PWWP2B: variants seen among roughly 807,000 people sequenced by gnomAD.
PWWP2B encodes PWWP domain containing 2B, also known as PWWP domain-containing protein 2B.
In PWWP2B, 9 loss-of-function variants were observed where a neutral mutation model predicts 15.5. That is an observed-to-expected ratio of 0.58 (90% CI 0.35 to 1.02). The LOEUF (loss-of-function observed/expected upper bound fraction) is 1.02, where lower values mean the gene tolerates loss of function less well. Ranked by LOEUF, PWWP2B falls within the 50% of genes least tolerant of loss-of-function variation. The pLI is 0.02. For synonymous variants in PWWP2B, 474 were observed against 403.6 expected (o/e 1.17, Z -2.09); for missense variants, 864 against 865.3 (o/e 1.00, Z 0.02).
chr10:132,415,296 CCACTCA>C (rs1266468129), intron 2 of PWWP2B, among the ~76,000 whole-genome samples: 6 of 142,058 alleles, frequency 4.2e-5, no homozygotes, highest in African/African-American at 1.3e-4. Context: ...ACACACATAT[CCACTCA>C]CACTCACACA....
chr10:132,403,117 A>T (rs1486218190), intron 1 of PWWP2B, among the ~76,000 whole-genome samples: 1 of 152,154 alleles, frequency 6.6e-6, no homozygotes, highest in Non-Finnish European at 1.5e-5. Flanking sequence ...CACTCCAGAG[A>T]TGCTCCTGCC....
chr10:132,401,120 C>T (rs938674742), intron 1 of PWWP2B, among the ~76,000 whole-genome samples: 1 of 152,228 alleles, frequency 6.6e-6, no homozygotes, highest in African/African-American at 2.4e-5. Context: ...AGTTAAGGCT[C>T]GGCCACTTGT....
At position 132,404,786 on chromosome 10, in the gene PWWP2B, A is replaced by ACCCCCCCCCCCCCGCCCCCCCCCC; in HGVS notation, c.288_289insCCCCCCCCCCCGCCCCCCCCCCCC (p.Thr96_Thr97insProProProProProProProPro). 1 of 1,460,278 alleles carries ACCCCCCCCCCCCCGCCCCCCCCCC rather than the reference A, an allele frequency of 6.8e-7. No homozygotes were observed. The highest frequency in any genetic ancestry group is 9.3e-7 in the Non-Finnish European group (1 of 1,076,458). The allele number at this position is 1,460,278 out of a possible 1,614,324, so 90.5% of individuals were successfully genotyped here. The stretch of plus-strand genomic sequence containing the variant: ...TGCCCGCGGGGTTCAGCCCCCCGAG[A>ACCCCCCCCCCCCCGCCCCCCCCCC]CCACCCGCCCCGAGCCACCCCCGCC... On this transcript the variant is annotated inframe_insertion, in exon 2 of 3. Transcript: ENST00000305233.
chr10:132,410,976 C>A (rs1391763165), intron 2 of PWWP2B, among the ~76,000 whole-genome samples: 3 of 152,220 alleles, frequency 2.0e-5, no homozygotes, highest in Non-Finnish European at 4.4e-5. Context: ...CCTCCGTCAG[C>A]AGTTGGGAGC....
chr10:132,405,677 A>G lies in PWWP2B; in HGVS notation c.1177A>G (p.Ser393Gly). The G allele has an allele frequency of 6.2e-7, 1 of 1,612,378 alleles. No individual in the cohort carries two copies. The highest frequency in any genetic ancestry group is 8.5e-7 in the Non-Finnish European group (1 of 1,179,888). Residue 393 changes from serine to glycine, a missense_variant, in exon 2 of 3, where the codon AGC becomes GGC. Transcript: ENST00000305233. Reference sequence around the variant, plus strand: ...TTCGGGTGAGGACGATGACTTCAAGAGCTGTCCCCAGGGTCCACAGGGACG... The same window carrying G: ...TTCGGGTGAGGACGATGACTTCAAGGGCTGTCCCCAGGGTCCACAGGGACG... ...GSSGEDDDFK[S>G]CPQGPQGREG...
intron 2 of PWWP2B, among the ~76,000 whole-genome samples, chr10:132,409,366 G>A (rs888295561): frequency 7.2e-5 from 11 of 152,200 alleles, no homozygotes; most frequent in Non-Finnish European, 1.3e-4. Context: ...TACTGTGCCT[G>A]GGAGCAGCCT....
In PWWP2B at chr10:132,404,800, G is replaced by GCCCCCC; in HGVS notation, c.302_303insCCCCCC (p.Pro103_Pro104dup). 7.4e-7 allele frequency: 1 copy of GCCCCCC among 1,356,864 alleles called. No homozygotes were observed. Among genetic ancestry groups the GCCCCCC allele is most frequent in the Non-Finnish European group, 1.0e-6 (1 of 995,794 alleles). 84.1% of individuals were successfully genotyped at this position (1,356,864 alleles called of 1,614,324 possible). On this transcript the variant is annotated inframe_insertion, in exon 2 of 3. Coordinates refer to ENST00000305233, the MANE Select transcript of PWWP2B (RefSeq NM_138499.4). ...AGCCCCCCGAGACCACCCGCCCCGA[G>GCCCCCC]CCACCCCCGCCCCTCGTGCCGCCGC... is the stretch of plus-strand genomic sequence containing the variant.
intron 2 of PWWP2B, among the ~76,000 whole-genome samples, chr10:132,406,742 C>T (rs1295541420): frequency 2.6e-5 from 4 of 152,164 alleles, no homozygotes; most frequent in African/African-American, 7.2e-5. Flanking sequence ...TCCTCCTGCA[C>T]GCGGATAGGC....
chr10:132,400,063 C>T (rs955956859), intron 1 of PWWP2B, among the ~76,000 whole-genome samples: 4 of 152,222 alleles, frequency 2.6e-5, no homozygotes, highest in Admixed American at 6.5e-5. Flanking sequence ...CAGAAGGGCA[C>T]CCTGAGCTCT....
intron 1 of PWWP2B, among the ~76,000 whole-genome samples, chr10:132,403,870 G>C (rs1243662689): frequency 6.6e-6 from 1 of 152,244 alleles, no homozygotes; most frequent in Non-Finnish European, 1.5e-5. Flanking sequence ...CAGGTGGGCA[G>C]ATGGGGATGA....
intron 1 of PWWP2B, among the ~76,000 whole-genome samples, chr10:132,398,698 C>T (rs902434664): frequency 6.6e-6 from 1 of 152,238 alleles, no homozygotes; most frequent in African/African-American, 2.4e-5. Flanking sequence ...CACCGCCTCC[C>T]CTTCATGGAA....
At chr10:132,409,635 A>G (rs942630580) in intron 2 of PWWP2B, among the ~76,000 whole-genome samples, 2 of 24,014 alleles carry the variant, frequency 8.3e-5, no homozygotes, top group African/African-American at 1.5e-4. Flanking sequence ...CTCACCACCC[A>G]CCCACCCACC....
rs760057823 is a variant in PWWP2B at position 132,404,823 on chromosome 10, C to T, written c.323C>T (p.Pro108Leu). The T allele has an allele frequency of 9.6e-6, 15 of 1,561,262 alleles. No individual in the cohort carries two copies. Among genetic ancestry groups the T allele is most frequent in the Admixed American group, 7.0e-5 (4 of 56,800 alleles). The change falls in exon 2 of 3, where the codon CCG (proline) becomes CTG (leucine). Residue 108 changes from proline to leucine, a missense_variant. By Grantham distance (98) the Pro-to-Leu change is moderately conservative. This residue lies in a region of PWWP2B where 736 missense variants were observed against 687.7 expected (regional missense o/e 1.07). Coordinates refer to ENST00000305233, the MANE Select transcript of PWWP2B (RefSeq NM_138499.4). ...GAGCCACCCCCGCCCCTCGTGCCGC[C>T]GCTGCCCGCCGGAAGCCTGCCCCCG... is the stretch of plus-strand genomic sequence containing the variant. ...RPEPPPPLVP[P>L]LPAGSLPPYP...
chr10:132,415,960 CCACCCTCA>C (rs2069848601), intron 2 of PWWP2B, among the ~76,000 whole-genome samples: 1 of 152,244 alleles, frequency 6.6e-6, no homozygotes. Context: ...ACACACACAT[CCACCCTCA>C]CACTCTCACA....
chr10:132,407,925 C>T (rs572050467), intron 2 of PWWP2B, among the ~76,000 whole-genome samples: 10 of 152,204 alleles, frequency 6.6e-5, no homozygotes, highest in African/African-American at 2.2e-4. Flanking sequence ...CAGGCATTTG[C>T]GAGGCATGAC....
chr10:132,417,264 A>C lies in PWWP2B; in HGVS notation c.*220A>C. The C allele has an allele frequency of 1.5e-6, 1 of 648,456 alleles. No homozygotes were observed. Among genetic ancestry groups the C allele is most frequent in the Non-Finnish European group, 2.7e-6 (1 of 365,596 alleles). The allele number at this position is 648,456 out of a possible 1,614,324, so 40.2% of individuals were successfully genotyped here. A position where few individuals can be genotyped will look rare whatever the true frequency, so the allele number is the denominator to read the frequency against. On this transcript the variant is annotated 3_prime_UTR_variant, in exon 3 of 3. Coordinates refer to ENST00000305233, the MANE Select transcript of PWWP2B (RefSeq NM_138499.4). ...CCTCCCGCTGAGTGTATTTCTTCCCACCACTCAGCGCATGGCTGCCCTGGC... is the reference window on the plus strand; with the variant it reads ...CCTCCCGCTGAGTGTATTTCTTCCCCCCACTCAGCGCATGGCTGCCCTGGC...
chr10:132,416,228 G>A (rs968991966), intron 2 of PWWP2B, among the ~76,000 whole-genome samples: 51 of 152,182 alleles, frequency 3.4e-4, no homozygotes, highest in Non-Finnish European at 3.5e-4. Context: ...CCCATGGGGC[G>A]CCTTTGTCCT....
chr10:132,416,966 C>A, intron 2 of PWWP2B, 95 bp from the exon 3 acceptor site: 1 of 1,417,106 alleles, frequency 7.1e-7, no homozygotes, highest in Non-Finnish European at 9.9e-7. Flanking sequence ...CTCAGGCCCT[C>A]CGGGGCACCC....
Position 132,417,436 on chromosome 10 carries a change from C to T in PWWP2B, c.*392C>T, listed in dbSNP as rs1317113653. 1 of 323,758 alleles carries T rather than the reference C, an allele frequency of 3.1e-6. No individual in the cohort carries two copies. Among genetic ancestry groups the T allele is most frequent in the Non-Finnish European group, 5.7e-6 (1 of 174,218 alleles). 20.1% of individuals were successfully genotyped at this position (323,758 alleles called of 1,614,324 possible). ...CCCATGGAGGAACCAGGCCTGGCGCCCCGGCCTCGCCCAGCGGCTGGTGTG... is the reference window on the plus strand; with the variant it reads ...CCCATGGAGGAACCAGGCCTGGCGCTCCGGCCTCGCCCAGCGGCTGGTGTG... On this transcript the variant is annotated 3_prime_UTR_variant, in exon 3 of 3. Transcript: ENST00000305233.
Sources: allele counts gnomAD v4.1 joint callset (sites outside exome capture counted in the v4.1 genomes callset), GRCh38; gene constraint gnomAD v4.1.1; regional missense constraint gnomAD v4.1.1; transcripts MANE v1.5; gene names NCBI Gene and HGNC (gene_info 2026-07-23, HGNC 2026-07-21).